The following PCDHAC1 variants were observed in gnomAD, a reference collection of about 807,000 sequenced individuals.
PCDHAC1 encodes protocadherin alpha subfamily C, 1.
PCDHAC1 carries 42 observed loss-of-function variants against 60.0 expected under a neutral mutation model. That is an observed-to-expected ratio of 0.70 (90% CI 0.55 to 0.90). PCDHAC1 has a LOEUF of 0.90. Among genes scored for constraint, PCDHAC1 ranks in the 40% least tolerant of loss-of-function variants. The pLI is 0.00. For missense variants in PCDHAC1, 1,160 were observed against 1,222.3 expected, an observed-to-expected ratio of 0.95 and a Z score of 0.76; for synonymous variants, 468 against 499.3, an observed-to-expected ratio of 0.94 and a Z score of 0.84.
At chr5:140,942,434 T>C (rs2093297092) in intron 1 of PCDHAC1, among the ~76,000 whole-genome samples, 1 of 151,244 alleles carries the variant, frequency 6.6e-6, no homozygotes, top group African/African-American at 2.4e-5. Flanking sequence ...TATCTAACAA[T>C]AAACAAGTAA....
At chr5:140,940,776 T>A (rs2092683795) in intron 1 of PCDHAC1, among the ~76,000 whole-genome samples, 1 of 152,222 alleles carries the variant, frequency 6.6e-6, no homozygotes, top group African/African-American at 2.4e-5. Flanking sequence ...CTTTTGATGG[T>A]CCATATCCTG....
At chr5:140,950,458 A>G (rs568340492) in intron 1 of PCDHAC1, among the ~76,000 whole-genome samples, 5 of 152,142 alleles carry the variant, frequency 3.3e-5, no homozygotes, top group Admixed American at 2.6e-4. Flanking sequence ...CTGTCTTCTA[A>G]TGCTCATAGT....
chr5:140,970,776 A>G lies in PCDHAC1; in HGVS notation c.2434-8173A>G, dbSNP rs1338334067. Among the ~76,000 whole-genome samples the G allele has an allele frequency of 1.3e-5, 2 of 152,212 alleles. 1 individual carries two copies. The highest frequency in any genetic ancestry group is 4.8e-5 in the African/African-American group (2 of 41,458). On this transcript the variant is annotated intron_variant, in intron 1 of 3. Coordinates refer to ENST00000253807, the MANE Select transcript of PCDHAC1 (RefSeq NM_018898.5). Reference sequence around the variant, plus strand: ...TTCATTGACATATTGCTGTACATACATATTGTATGTAATATCCATATTGTT... The same window carrying G: ...TTCATTGACATATTGCTGTACATACGTATTGTATGTAATATCCATATTGTT...
intron 1 of PCDHAC1, among the ~76,000 whole-genome samples, chr5:140,934,797 T>A (rs1045887352): frequency 6.6e-6 from 1 of 152,236 alleles, no homozygotes; most frequent in African/African-American, 2.4e-5. Context: ...CAATTATCTT[T>A]TTAATGATCA....
intron 1 of PCDHAC1, among the ~76,000 whole-genome samples, chr5:140,963,268 T>C (rs1329086504): frequency 6.6e-6 from 1 of 152,042 alleles, no homozygotes; most frequent in African/African-American, 2.4e-5. Flanking sequence ...GACTTTGAAA[T>C]GTATGTAAGA....
rs1370353227 is a variant in PCDHAC1, at chr5:140,928,710, T to C, written c.1818T>C (p.Ser606=). Residue 606 remains serine, a synonymous_variant, in exon 1 of 4, where the codon TCT becomes TCC. Coordinates refer to ENST00000253807, the MANE Select transcript of PCDHAC1 (RefSeq NM_018898.5). The part of the protein sequence containing the change: ...LSYHISRASD[S]SLFRISANIG... The stretch of plus-strand genomic sequence containing the variant: ...ACCACATCTCCCGGGCGTCTGACTC[T>C]AGTCTCTTTAGAATTTCAGCCAATA... The C allele has an allele frequency of 3.7e-6, 6 of 1,614,192 alleles. No homozygotes were observed. Among genetic ancestry groups the C allele is most frequent in the Non-Finnish European group, 5.1e-6 (6 of 1,180,042 alleles).
intron 3 of PCDHAC1, among the ~76,000 whole-genome samples, chr5:141,003,801 A>T (rs1554259323): frequency 1.3e-5 from 2 of 152,172 alleles, no homozygotes; most frequent in African/African-American, 4.8e-5. Context: ...ATTGGGTTGT[A>T]ATCTGTAGTC....
At chr5:140,969,578 G>A (rs2096343344) in intron 1 of PCDHAC1, 2 of 957,378 alleles carry the variant, frequency 2.1e-6, no homozygotes, top group Admixed American at 5.9e-5. Context: ...TGAGAAGTGA[G>A]GATTAGTCTT....
intron 2 of PCDHAC1, chr5:140,982,222 A>C: frequency 3.5e-6 from 2 of 569,284 alleles, no homozygotes; most frequent in Non-Finnish European, 2.7e-6. Context: ...CATGGCGTTA[A>C]TAAAAAACAG....
At position 140,926,851 on chromosome 5, in the gene PCDHAC1, T is replaced by C. The variant is rs201136210; in HGVS notation, c.-42T>C. 6.6e-6 allele frequency: 10 copies of C among 1,517,220 alleles called. No individual in the cohort carries two copies. In the Admixed American group the frequency reaches 6.6e-5, roughly 10 times the overall value. The allele number at this position is 1,517,220 out of a possible 1,614,324, so 94.0% of individuals were successfully genotyped here. ...TCCGGAGCATGGTCCTGGGTCACCGTTGGTGTAGCGTGTTGGTGGAACGTG... is the reference window on the plus strand; with the variant it reads ...TCCGGAGCATGGTCCTGGGTCACCGCTGGTGTAGCGTGTTGGTGGAACGTG... On this transcript the variant is annotated 5_prime_UTR_variant, in exon 1 of 4. Coordinates refer to ENST00000253807, the MANE Select transcript of PCDHAC1 (RefSeq NM_018898.5).
intron 1 of PCDHAC1, chr5:140,966,586 T>C (rs1339521044): frequency 5.5e-6 from 3 of 548,910 alleles, no homozygotes; most frequent in Non-Finnish European, 8.8e-6. Flanking sequence ...GCGAGGACGG[T>C]GGGGCCAGGA....
chr5:140,995,764 G>C (rs2097697128), intron 3 of PCDHAC1, among the ~76,000 whole-genome samples: 1 of 152,134 alleles, frequency 6.6e-6, no homozygotes, highest in Non-Finnish European at 1.5e-5. Flanking sequence ...AGAAAATGTG[G>C]AGAGTGAAGG....
At chr5:140,981,041 A>C (rs72802989) in intron 2 of PCDHAC1, among the ~76,000 whole-genome samples, 7,382 of 152,278 alleles carry the variant, frequency 0.048, 205 homozygotes, top group Non-Finnish European at 0.065. Context: ...GGGAAAAAAA[A>C]CAGATAATTC....
intron 1 of PCDHAC1, chr5:140,966,848 C>T (rs573027963): frequency 1.3e-6 from 2 of 1,571,846 alleles, no homozygotes; most frequent in East Asian, 2.3e-5. Flanking sequence ...GCTACTGCCT[C>T]TCCTGCTGCT....
intron 1 of PCDHAC1, among the ~76,000 whole-genome samples, chr5:140,947,353 A>G (rs1041468487): frequency 4.6e-5 from 7 of 151,616 alleles, no homozygotes; most frequent in African/African-American, 1.7e-4. Context: ...TCTGGACTCT[A>G]TTTCACTCCT....
At chr5:140,942,311 G>A (rs781987580) in intron 1 of PCDHAC1, among the ~76,000 whole-genome samples, 1 of 152,004 alleles carries the variant, frequency 6.6e-6, no homozygotes, top group Non-Finnish European at 1.5e-5. Flanking sequence ...TTGGGAGGTC[G>A]AGGCACAAGA....
chr5:140,995,324 G>A (rs1290299693), intron 3 of PCDHAC1, among the ~76,000 whole-genome samples: 1 of 152,190 alleles, frequency 6.6e-6, no homozygotes, highest in African/African-American at 2.4e-5. Context: ...GAACTAACAG[G>A]TGAGTAGTGT....
intron 1 of PCDHAC1, among the ~76,000 whole-genome samples, chr5:140,970,860 C>T (rs2096438853): frequency 6.6e-6 from 1 of 152,054 alleles, no homozygotes; most frequent in Non-Finnish European, 1.5e-5. Context: ...AAGTTCCATT[C>T]CTGATTGAGA....
At chr5:140,946,152 G>T (rs1279401608) in intron 1 of PCDHAC1, among the ~76,000 whole-genome samples, 1 of 151,750 alleles carries the variant, frequency 6.6e-6, no homozygotes, top group Non-Finnish European at 1.5e-5. Flanking sequence ...CAAATAACAC[G>T]ATTTAAAAGA....
Sources: gnomAD v4.1 joint callset for allele counts (sites outside exome capture counted in the v4.1 genomes callset) on GRCh38, gnomAD v4.1.1 for gene constraint, MANE v1.5 for transcripts, NCBI Gene and HGNC (gene_info 2026-07-23, HGNC 2026-07-21) for gene names.